MARK3: variants seen among roughly 807,000 people sequenced by gnomAD.
The protein encoded by MARK3 is MAP/microtubule affinity-regulating kinase 3.
Under a neutral mutation model 90.1 loss-of-function variants are expected in MARK3, and 46 were observed. The ratio of observed to expected loss-of-function variants is 0.51; its 90% confidence interval spans 0.40 to 0.65. The LOEUF is 0.65. Ranked by LOEUF, MARK3 falls within the 30% of genes least tolerant of loss-of-function variation. MARK3 has a pLI of 0.00. For synonymous variants in MARK3, 321 were observed against 332.6 expected (o/e 0.97, Z 0.38); for missense variants, 818 against 947.2 (o/e 0.86, Z 1.79).
chr14:103,441,727 C>T (rs1345081305), intron 3 of MARK3, among the ~76,000 whole-genome samples: 3 of 152,138 alleles, frequency 2.0e-5, no homozygotes, highest in African/African-American at 7.2e-5. Flanking sequence ...CATGGTTTTT[C>T]GTATGTATAA....
At chr14:103,398,505 T>TC (rs1320113354) in intron 1 of MARK3, among the ~76,000 whole-genome samples, 1 of 152,178 alleles carries the variant, frequency 6.6e-6, no homozygotes, top group Non-Finnish European at 1.5e-5. Context: ...AGGACAGACA[T>TC]CCCATTCTAA....
intron 3 of MARK3, among the ~76,000 whole-genome samples, chr14:103,439,753 A>C (rs941935364): frequency 6.6e-6 from 1 of 151,926 alleles, no homozygotes; most frequent in African/African-American, 2.4e-5. Flanking sequence ...GACTCATGCT[A>C]TGTGTATTCT....
At chr14:103,409,883 G>A (rs1170636302) in intron 2 of MARK3, among the ~76,000 whole-genome samples, 2 of 152,152 alleles carry the variant, frequency 1.3e-5, no homozygotes, top group South Asian at 2.1e-4. Context: ...CAGATCTGCA[G>A]TGGACATTCT....
At chr14:103,435,864 G>A (rs1013800507) in intron 3 of MARK3, among the ~76,000 whole-genome samples, 3 of 151,676 alleles carry the variant, frequency 2.0e-5, no homozygotes, top group African/African-American at 2.4e-5. Context: ...GACTATAGGC[G>A]CGCACCACCA....
intron 3 of MARK3, among the ~76,000 whole-genome samples, chr14:103,442,631 AAC>A (rs1277456857): frequency 1.3e-5 from 2 of 152,220 alleles, no homozygotes; most frequent in East Asian, 3.8e-4. Flanking sequence ...TGGAACCTAA[AAC>A]ACACAGAATT....
chr14:103,467,995 G>A (rs757414757), intron 11 of MARK3, 38 bp from the exon 12 acceptor site: 10 of 1,603,924 alleles, frequency 6.2e-6, no homozygotes, highest in Middle Eastern at 1.7e-4. Context: ...ATTTGGGTTC[G>A]TGTTGTGGTT....
At chr14:103,390,871 T>C (rs1286266538) in intron 1 of MARK3, among the ~76,000 whole-genome samples, 2 of 152,026 alleles carry the variant, frequency 1.3e-5, no homozygotes, top group African/African-American at 4.8e-5. Context: ...ACCACATGCA[T>C]GGCTAATTTT....
chr14:103,435,602 G>GT (rs2092696797), intron 3 of MARK3, among the ~76,000 whole-genome samples: 1 of 151,944 alleles, frequency 6.6e-6, no homozygotes, highest in African/African-American at 2.4e-5. Context: ...TAGAGATGGG[G>GT]TTTCACCGTG....
chr14:103,386,224 C>A, intron 1 of MARK3, 144 bp downstream of exon 1: 1 of 800,824 alleles, frequency 1.2e-6, no homozygotes, highest in South Asian at 1.4e-5. Flanking sequence ...GCAGCCAGGT[C>A]GGACCGTTTC....
intron 15 of MARK3, among the ~76,000 whole-genome samples, chr14:103,494,837 A>C (rs979996681): frequency 6.6e-6 from 1 of 152,080 alleles, no homozygotes; most frequent in African/African-American, 2.4e-5. Flanking sequence ...CGGTTTTATC[A>C]TGTTGGCCAG....
intron 14 of MARK3, among the ~76,000 whole-genome samples, chr14:103,486,943 A>G (rs1352132467): frequency 6.6e-6 from 1 of 151,766 alleles, no homozygotes; most frequent in Non-Finnish European, 1.5e-5. Context: ...AATTTGAAAC[A>G]GTCTCTCTCT....
chr14:103,499,818 C>A, intron 16 of MARK3: 1 of 274,510 alleles, frequency 3.6e-6, no homozygotes, highest in Admixed American at 5.2e-5. Context: ...GCCGAGTGTG[C>A]TCAGGCTGAA....
intron 3 of MARK3, among the ~76,000 whole-genome samples, chr14:103,437,551 G>A (rs925866362): frequency 4.6e-5 from 7 of 152,152 alleles, no homozygotes; most frequent in African/African-American, 1.7e-4. Flanking sequence ...GCCTTCCAAG[G>A]AGCTGGGATT....
rs946850935 is a variant in MARK3 at position 103,424,531 on chromosome 14, A to C, written c.244-3856A>C. 1.1e-3 allele frequency among the ~76,000 whole-genome samples: 10 copies of C among 9,050 alleles called. No individual in the cohort carries two copies. In the East Asian group the frequency reaches 0.5, roughly 453 times the overall value. 5.9% of individuals were successfully genotyped at this position (9,050 alleles called of 152,430 possible). A position where few individuals can be genotyped will look rare whatever the true frequency, so the allele number is the denominator to read the frequency against. On this transcript the variant is annotated intron_variant, in intron 2 of 17. Coordinates refer to ENST00000429436, the MANE Select transcript of MARK3 (RefSeq NM_001128918.3). ...ACAGAATGAGACCTCGTCTCAAAAAAAAAAAACAAAAAAAAGAATCTTTAG... is the reference window on the plus strand; with the variant it reads ...ACAGAATGAGACCTCGTCTCAAAAACAAAAAACAAAAAAAAGAATCTTTAG...
intron 3 of MARK3, among the ~76,000 whole-genome samples, chr14:103,435,624 G>A (rs1277873122): frequency 6.6e-6 from 1 of 152,058 alleles, no homozygotes; most frequent in African/African-American, 2.4e-5. Context: ...TAGCCAGGAT[G>A]GTCTCAATCT....
chr14:103,430,512 T>C (rs1395743567), intron 3 of MARK3, among the ~76,000 whole-genome samples: 2 of 152,096 alleles, frequency 1.3e-5, no homozygotes, highest in Admixed American at 1.3e-4. Flanking sequence ...CAGGAACAGC[T>C]CTCTTAGATA....
At chr14:103,428,183 G>A (rs1052555356) in intron 2 of MARK3, among the ~76,000 whole-genome samples, 4 of 152,170 alleles carry the variant, frequency 2.6e-5, no homozygotes, top group African/African-American at 9.7e-5. Context: ...GAGAAGTTTA[G>A]TTAGAAAGCA....
intron 1 of MARK3, among the ~76,000 whole-genome samples, chr14:103,393,309 A>G (rs1317157117): frequency 6.6e-6 from 1 of 152,132 alleles, no homozygotes; most frequent in Admixed American, 6.6e-5. Context: ...TCAACTTCTA[A>G]GCACAACCTG....
intron 2 of MARK3, among the ~76,000 whole-genome samples, chr14:103,411,129 C>G (rs2091604947): frequency 6.6e-6 from 1 of 152,130 alleles, no homozygotes. Flanking sequence ...AAAAAATTAG[C>G]TGGGCATGGT....
Sources: gnomAD v4.1 joint callset for allele counts (sites outside exome capture counted in the v4.1 genomes callset) on GRCh38, gnomAD v4.1.1 for gene constraint, MANE v1.5 for transcripts, NCBI Gene and HGNC (gene_info 2026-07-23, HGNC 2026-07-21) for gene names.